ENKUR: variants seen among roughly 807,000 people sequenced by gnomAD.
ENKUR encodes the protein enkurin, TRPC channel interacting protein.
A neutral mutation model predicts 27.6 loss-of-function variants in ENKUR; 19 were observed. That is an observed-to-expected ratio of 0.69 (90% CI 0.48 to 1.01). The LOEUF (loss-of-function observed/expected upper bound fraction) is 1.01. Ranked by LOEUF, ENKUR falls within the 50% of genes least tolerant of loss-of-function variation. The pLI, the probability that ENKUR is intolerant of heterozygous loss-of-function variation, is 0.00. For synonymous variants in ENKUR, 117 were observed against 96.9 expected (o/e 1.21, Z -1.22); for missense variants, 312 against 310.5 (o/e 1.00, Z -0.04).
intron 2 of ENKUR, chr10:25,024,140 C>G (rs534630985): frequency 6.2e-7 from 1 of 1,614,168 alleles, no homozygotes; most frequent in South Asian, 1.1e-5. Context: ...GCAGACATAC[C>G]TGCTGCCAGG....
intron 2 of ENKUR, among the ~76,000 whole-genome samples, chr10:25,059,137 T>A (rs946743736): frequency 6.8e-6 from 1 of 147,932 alleles, no homozygotes; most frequent in Admixed American, 6.7e-5. Context: ...TCTTTCTTTT[T>A]TTTTTTTTTT....
At position 25,015,911 on chromosome 10, in the gene ENKUR, C is replaced by T. The variant is rs749329752; in HGVS notation, c.26G>A (p.Cys9Tyr). Reference sequence around the variant, plus strand: ...GTCACTGGGTATGAGGTTATAAATGCACTCAGAAGAGCACGTTGGATCCAT... The same window carrying T: ...GTCACTGGGTATGAGGTTATAAATGTACTCAGAAGAGCACGTTGGATCCAT... Reference protein sequence around the residue: MDPTCSSECIYNLIPSDLK... With the variant: MDPTCSSEYIYNLIPSDLK... Residue 9 changes from cysteine to tyrosine, a missense_variant, in exon 1 of 6, where the codon TGC becomes TAC. By Grantham distance (194) the Cys-to-Tyr change is radical. Coordinates refer to ENST00000331161, the MANE Select transcript of ENKUR (RefSeq NM_145010.4). The T allele has an allele frequency of 6.2e-7, 1 of 1,608,002 alleles. No individual in the cohort carries two copies. Among genetic ancestry groups the T allele is most frequent in the South Asian group, 1.1e-5 (1 of 89,438 alleles).
intron 2 of ENKUR, chr10:25,024,639 CTG>C: frequency 6.2e-7 from 1 of 1,614,212 alleles, no homozygotes; most frequent in Non-Finnish European, 8.5e-7. Context: ...ACTCCATAAA[CTG>C]GGGCCGACTA....
intron 2 of ENKUR, among the ~76,000 whole-genome samples, chr10:25,040,417 T>A (rs991430231): frequency 6.7e-6 from 1 of 149,216 alleles, no homozygotes; most frequent in African/African-American, 2.5e-5. Context: ...TCTCCCAGGC[T>A]GGAGTGCCAG....
At chr10:25,017,071 T>C (rs938946755), upstream of ENKUR, among the ~76,000 whole-genome samples, 3 of 152,138 alleles carry the variant, frequency 2.0e-5, no homozygotes, top group Admixed American at 6.5e-5. Flanking sequence ...CCGGGTCGGC[T>C]CTGCGCCTGC....
At chr10:25,005,770 G>T (rs1487400932) in intron 1 of ENKUR, among the ~76,000 whole-genome samples, 1 of 152,188 alleles carries the variant, frequency 6.6e-6, no homozygotes, top group East Asian at 1.9e-4. Context: ...TCATAGCTCT[G>T]ATCTGCACTT....
intron 2 of ENKUR, among the ~76,000 whole-genome samples, chr10:25,031,548 G>A (rs1850935477): frequency 6.6e-6 from 1 of 152,092 alleles, no homozygotes; most frequent in African/African-American, 2.4e-5. Flanking sequence ...AAGTTTTGGG[G>A]TAGTTTGTTA....
At chr10:24,988,618 T>C (rs1235358892) in intron 4 of ENKUR, among the ~76,000 whole-genome samples, 8 of 103,418 alleles carry the variant, frequency 7.7e-5, no homozygotes, top group African/African-American at 2.7e-4. Flanking sequence ...CACTGGAGGA[T>C]TATAGATCTT....
At chr10:25,024,270 A>G in intron 2 of ENKUR, 1 of 1,614,226 alleles carries the variant, frequency 6.2e-7, no homozygotes, top group African/African-American at 1.3e-5. Context: ...CAACAGGATC[A>G]TTTAAAGATT....
intron 1 of ENKUR, among the ~76,000 whole-genome samples, chr10:25,014,631 C>CA (rs1270438156): frequency 3.3e-5 from 5 of 152,052 alleles, no homozygotes; most frequent in Non-Finnish European, 7.4e-5. Context: ...TACAATCTAC[C>CA]AATCTGTTAT....
At chr10:25,054,539 CT>C (rs1478971649) in intron 2 of ENKUR, among the ~76,000 whole-genome samples, 24 of 135,148 alleles carry the variant, frequency 1.8e-4, no homozygotes, top group African/African-American at 4.7e-4. Context: ...TCCTTTCTTT[CT>C]TTCTTTCCTT....
chr10:25,032,458 C>T (rs1045712961), intron 2 of ENKUR, among the ~76,000 whole-genome samples: 2 of 152,106 alleles, frequency 1.3e-5, no homozygotes, highest in African/African-American at 2.4e-5. Flanking sequence ...GTAGAATAAG[C>T]GCTTAATCCT....
chr10:25,034,568 C>T (rs1464768985), intron 2 of ENKUR, among the ~76,000 whole-genome samples: 1 of 152,128 alleles, frequency 6.6e-6, no homozygotes, highest in Admixed American at 6.5e-5. Flanking sequence ...TCGATATTAC[C>T]TTTTTTCTGG....
chr10:25,025,407 T>C, intron 2 of ENKUR: 2 of 1,613,694 alleles, frequency 1.2e-6, no homozygotes, highest in Non-Finnish European at 8.5e-7. Flanking sequence ...CTGATATGAA[T>C]GTCTTGAAGA....
chr10:25,029,564 A>G (rs1850910953), intron 2 of ENKUR, among the ~76,000 whole-genome samples: 1 of 151,804 alleles, frequency 6.6e-6, no homozygotes, highest in African/African-American at 2.4e-5. Flanking sequence ...AAAAAAAATC[A>G]TGAAGTAACT....
chr10:25,020,244 C>CTATATT (rs752648548), upstream of ENKUR, among the ~76,000 whole-genome samples: 8 of 124,522 alleles, frequency 6.4e-5, no homozygotes, highest in African/African-American at 1.8e-4. Flanking sequence ...TAAAATATAT[C>CTATATT]TATATCTATA....
intron 2 of ENKUR, among the ~76,000 whole-genome samples, chr10:25,040,662 G>A (rs1370033571): frequency 2.0e-5 from 3 of 152,154 alleles, no homozygotes; most frequent in Non-Finnish European, 4.4e-5. Flanking sequence ...GAGCCACAGC[G>A]CCTGGCCCTA....
chr10:25,003,317 A>G (rs564316022), intron 1 of ENKUR, among the ~76,000 whole-genome samples: 1 of 152,148 alleles, frequency 6.6e-6, no homozygotes, highest in East Asian at 1.9e-4. Context: ...AATGATTCTC[A>G]TGCCTCTGCC....
intron 1 of ENKUR, among the ~76,000 whole-genome samples, chr10:25,004,060 A>G (rs1309704241): frequency 3.3e-5 from 5 of 152,234 alleles, no homozygotes; most frequent in Non-Finnish European, 7.3e-5. Context: ...TATTTATTGG[A>G]TAATTTTTAC....
Sources: allele counts gnomAD v4.1 joint callset (sites outside exome capture counted in the v4.1 genomes callset), GRCh38; gene constraint gnomAD v4.1.1; transcripts MANE v1.5; gene names NCBI Gene and HGNC (gene_info 2026-07-23, HGNC 2026-07-21).